The following GRID2 variants were observed in gnomAD, a reference collection of about 807,000 sequenced individuals.
The protein encoded by GRID2 is glutamate receptor ionotropic, delta-2.
Under a neutral mutation model 114.8 loss-of-function variants are expected in GRID2, and 33 were observed. That is an observed-to-expected ratio of 0.29 (90% confidence interval 0.22 to 0.38). The LOEUF is 0.38. Among genes scored for constraint, GRID2 ranks in the 10% least tolerant of loss-of-function variants. The probability of loss-of-function intolerance (pLI) is 1.00; values close to 1 mark genes in which losing one functional copy is unlikely to be tolerated. For missense variants in GRID2, 1,184 were observed against 1,257.7 expected (o/e 0.94, Z 0.89); for synonymous variants, 505 against 449.9 (o/e 1.12, Z -1.55).
chr4:93,289,439 G>A (rs1340296123), intron 8 of GRID2, among the ~76,000 whole-genome samples: 1 of 152,110 alleles, frequency 6.6e-6, no homozygotes, highest in Non-Finnish European at 1.5e-5. Flanking sequence ...ACCTTATCGG[G>A]ATGCCGTAGG....
intron 2 of GRID2, among the ~76,000 whole-genome samples, chr4:92,690,760 A>T (rs1734144790): frequency 6.6e-6 from 1 of 152,114 alleles, no homozygotes; most frequent in Non-Finnish European, 1.5e-5. Context: ...AATAAAAATG[A>T]ATTTATATTT....
intron 2 of GRID2, among the ~76,000 whole-genome samples, chr4:92,965,863 A>G (rs1753124792): frequency 6.6e-6 from 1 of 152,044 alleles, no homozygotes; most frequent in East Asian, 1.9e-4. Flanking sequence ...TTCTTTTACA[A>G]TATTTATACT....
intron 4 of GRID2, among the ~76,000 whole-genome samples, chr4:93,150,483 T>C (rs1736635479): frequency 6.6e-6 from 1 of 152,028 alleles, no homozygotes. Context: ...GCCCAAATAG[T>C]CTCTTTGCTT....
intron 2 of GRID2, among the ~76,000 whole-genome samples, chr4:92,776,156 C>T (rs1738782825): frequency 1.3e-5 from 2 of 151,922 alleles, no homozygotes; most frequent in African/African-American, 4.8e-5. Flanking sequence ...TCGCTATAAA[C>T]TTTTGAAATA....
intron 8 of GRID2, among the ~76,000 whole-genome samples, chr4:93,349,261 G>A (rs114003019): frequency 0.041 from 6,195 of 152,056 alleles, 199 homozygotes; most frequent in South Asian, 0.08. Flanking sequence ...AGTCAAATGC[G>A]TAGTTTGCCA....
chr4:93,587,406 A>G lies in GRID2; in HGVS notation c.2194-38863A>G, dbSNP rs535421987. Among the ~76,000 whole-genome samples the G allele has an allele frequency of 1.2e-4, 19 of 152,274 alleles. No homozygotes were observed. The East Asian group carries it at 3.7e-3, about 29-fold the overall frequency. On this transcript the variant is annotated intron_variant, in intron 13 of 15. Coordinates refer to ENST00000282020, the MANE Select transcript of GRID2 (RefSeq NM_001510.4). ...GATTGTATTTTGAGATACTTGCAGCAATAATACTATCATGAAAATACCTGT... is the reference window on the plus strand; with the variant it reads ...GATTGTATTTTGAGATACTTGCAGCGATAATACTATCATGAAAATACCTGT...
chr4:92,849,444 G>A (rs996621486), intron 2 of GRID2, among the ~76,000 whole-genome samples: 7 of 151,884 alleles, frequency 4.6e-5, no homozygotes, highest in Non-Finnish European at 7.4e-5. Context: ...TAGGGAGTGG[G>A]AAGAAGCAGT....
At chr4:93,436,495 C>T (rs1198600590) in intron 10 of GRID2, among the ~76,000 whole-genome samples, 1 of 151,992 alleles carries the variant, frequency 6.6e-6, no homozygotes, top group African/African-American at 2.4e-5. Context: ...TAGAGCAAGC[C>T]TCGGGGAGTA....
chr4:93,025,832 T>C (rs1723834087), intron 2 of GRID2, among the ~76,000 whole-genome samples: 1 of 151,690 alleles, frequency 6.6e-6, no homozygotes, highest in Admixed American at 6.6e-5. Context: ...ATCAAGTCAT[T>C]CTATATTTAT....
chr4:92,403,705 T>C (rs1192167538), intron 1 of GRID2, among the ~76,000 whole-genome samples: 1 of 133,456 alleles, frequency 7.5e-6, no homozygotes, highest in East Asian at 2.0e-4. Context: ...AATAAATAAA[T>C]AAATAAATAA....
At chr4:92,464,499 A>G (rs1230443415) in intron 1 of GRID2, among the ~76,000 whole-genome samples, 1 of 152,100 alleles carries the variant, frequency 6.6e-6, no homozygotes, top group African/African-American at 2.4e-5. Context: ...AGGCCAATAT[A>G]TGTTAATTAT....
chr4:93,592,302 A>G (rs1351608947), intron 13 of GRID2, among the ~76,000 whole-genome samples: 1 of 151,912 alleles, frequency 6.6e-6, no homozygotes, highest in African/African-American at 2.4e-5. Context: ...TTCTGCCTTC[A>G]TTTCGTTATG....
intron 2 of GRID2, among the ~76,000 whole-genome samples, chr4:93,055,490 G>C (rs183311079): frequency 5.4e-4 from 82 of 151,998 alleles, no homozygotes; most frequent in African/African-American, 1.8e-3. Context: ...TGCACATTGT[G>C]CACATGTACC....
At chr4:92,374,559 T>C (rs1729270358) in intron 1 of GRID2, among the ~76,000 whole-genome samples, 1 of 152,178 alleles carries the variant, frequency 6.6e-6, no homozygotes, top group African/African-American at 2.4e-5. Flanking sequence ...GTGGTCACTA[T>C]ATGTGGCTCA....
intron 1 of GRID2, among the ~76,000 whole-genome samples, chr4:92,456,481 C>T (rs867584005): frequency 1.6e-4 from 25 of 152,024 alleles, no homozygotes; most frequent in South Asian, 4.1e-4. Flanking sequence ...GTCTCTTTTT[C>T]TACTAAATTC....
chr4:92,461,095 T>C (rs1721471724), intron 1 of GRID2, among the ~76,000 whole-genome samples: 2 of 151,674 alleles, frequency 1.3e-5, no homozygotes, highest in East Asian at 3.9e-4. Context: ...TATATTTATA[T>C]AACTTTCTTT....
chr4:93,448,829 CCCTT>C (rs1157036948), intron 10 of GRID2, among the ~76,000 whole-genome samples: 1 of 12,470 alleles, frequency 8.0e-5, no homozygotes, highest in Admixed American at 8.7e-4. Flanking sequence ...CCCTTCCCTT[CCCTT>C]CCCTTCCCTT....
intron 8 of GRID2, among the ~76,000 whole-genome samples, chr4:93,386,468 A>T (rs1764322466): frequency 6.6e-6 from 1 of 152,158 alleles, no homozygotes; most frequent in African/African-American, 2.4e-5. Context: ...AATTGAGCTG[A>T]GCTGGGGAGG....
intron 1 of GRID2, among the ~76,000 whole-genome samples, chr4:92,493,674 C>T (rs900533512): frequency 6.6e-6 from 1 of 152,106 alleles, no homozygotes; most frequent in Non-Finnish European, 1.5e-5. Flanking sequence ...CATTGACTCC[C>T]GTTGGCCTTA....
Sources: allele counts gnomAD v4.1 joint callset (sites outside exome capture counted in the v4.1 genomes callset), GRCh38; gene constraint gnomAD v4.1.1; transcripts MANE v1.5; gene names NCBI Gene and HGNC (gene_info 2026-07-23, HGNC 2026-07-21).